Variants in CPED1 observed in about 807,000 individuals in gnomAD.
The protein encoded by CPED1 is cadherin-like and PC-esterase domain-containing protein 1.
A neutral mutation model predicts 128.2 loss-of-function variants in CPED1; 114 were observed. The ratio of observed to expected loss-of-function variants is 0.89; its 90% CI spans 0.76 to 1.04. The LOEUF (loss-of-function observed/expected upper bound fraction) is 1.04, where lower values mean the gene tolerates loss of function less well. CPED1 is among the 50% of genes least tolerant of loss of function. The probability of loss-of-function intolerance (pLI) is 0.00; values close to 1 mark genes in which losing one functional copy is unlikely to be tolerated. For missense variants in CPED1, 1,211 were observed against 1,207.1 expected (o/e 1.00, Z -0.05); for synonymous variants, 462 against 426.7 (o/e 1.08, Z -1.02).
At chr7:121,013,495 C>A (rs894135091) in intron 2 of CPED1, among the ~76,000 whole-genome samples, 1 of 152,170 alleles carries the variant, frequency 6.6e-6, no homozygotes, top group Non-Finnish European at 1.5e-5. Context: ...AACTCACAAG[C>A]AGTTTTTCCA....
chr7:121,049,286 G>A (rs897197622), intron 4 of CPED1, among the ~76,000 whole-genome samples: 36 of 152,228 alleles, frequency 2.4e-4, no homozygotes, highest in African/African-American at 8.7e-4. Flanking sequence ...GGGATGTGTA[G>A]AAGGAAGGGC....
In CPED1 at chr7:121,127,233, ACTTTATAGAT is replaced by A; in HGVS notation, c.1280_1289del (p.Leu427GlnfsTer13). On this transcript the variant is annotated frameshift_variant, in exon 10 of 23. Coordinates refer to ENST00000310396, the MANE Select transcript of CPED1 (RefSeq NM_024913.5). LOFTEE classifies it high-confidence loss of function. ...CCATATTTTCTGAGATATTTCAGAG[ACTTTATAGAT>A]CAGATGTTTTCAAGGTAAGTGCATA... The A allele has an allele frequency of 6.3e-7, 1 of 1,586,076 alleles. No individual in the cohort carries two copies. The highest frequency in any genetic ancestry group is 1.1e-5 in the South Asian group (1 of 89,774).
Position 121,266,646 on chromosome 7 carries a change from AGTTACAAT to A in CPED1, c.2532-57_2532-50del, listed in dbSNP as rs1388408486. The A allele has an allele frequency of 4.6e-5, 60 of 1,305,660 alleles. No individual in the cohort carries two copies. In the South Asian group the frequency reaches 7.0e-4, roughly 15 times the overall value. 80.9% of individuals were successfully genotyped at this position (1,305,660 alleles called of 1,614,324 possible). On this transcript the variant is annotated intron_variant, in intron 19 of 22. Coordinates refer to ENST00000310396, the MANE Select transcript of CPED1 (RefSeq NM_024913.5). ...GATACAGTGAAATGTGAGGCAGTGC[AGTTACAAT>A]GTTTACCTTCTGTTTTAGGGCAACA...
chr7:121,238,351 C>G (rs896457358), intron 17 of CPED1, among the ~76,000 whole-genome samples: 1 of 152,130 alleles, frequency 6.6e-6, no homozygotes, highest in Non-Finnish European at 1.5e-5. Context: ...CTCCCAGCCT[C>G]TTTGCCTCTC....
intron 16 of CPED1, among the ~76,000 whole-genome samples, chr7:121,212,149 G>T (rs552617909): frequency 4.6e-5 from 7 of 152,062 alleles, no homozygotes; most frequent in Non-Finnish European, 1.0e-4. Flanking sequence ...TGGCTGTGTT[G>T]GGTTCTGAAC....
rs1046524896 is a variant in CPED1, at chr7:121,294,532, G to A, written c.2869-908G>A. The stretch of plus-strand genomic sequence containing the variant: ...TGCCATGTCTGTGTCTCAGGTGGCA[G>A]CAAAACAAAATGGTGGATCCCTGCA... On this transcript the variant is annotated intron_variant, in intron 22 of 22. Coordinates refer to ENST00000310396, the MANE Select transcript of CPED1 (RefSeq NM_024913.5). 3.9e-5 allele frequency among the ~76,000 whole-genome samples: 6 copies of A among 152,018 alleles called. 1 individual carries two copies.
Position 121,295,752 on chromosome 7 carries a change from A to C in CPED1, c.*100A>C. Reference sequence around the variant, plus strand: ...TGCACATCGCACACATTTGGGATCGACCACACACACTTGTGCACACCAGCA... The same window carrying C: ...TGCACATCGCACACATTTGGGATCGCCCACACACACTTGTGCACACCAGCA... On this transcript the variant is annotated 3_prime_UTR_variant, in exon 23 of 23. Transcript: ENST00000310396. The C allele has an allele frequency of 1.1e-6, 1 of 911,620 alleles. No homozygotes were observed. The highest frequency in any genetic ancestry group is 1.7e-6 in the Non-Finnish European group (1 of 572,402). 56.5% of individuals were successfully genotyped at this position (911,620 alleles called of 1,614,324 possible).
chr7:121,154,729 A>G (rs896201051), intron 16 of CPED1, among the ~76,000 whole-genome samples: 8 of 151,996 alleles, frequency 5.3e-5, no homozygotes, highest in Non-Finnish European at 8.8e-5. Context: ...TATTTTTAGT[A>G]GAGACGGGGT....
In CPED1 at chr7:121,295,990, G is replaced by GA. The variant is rs996042843; in HGVS notation, c.*345dup. The GA allele has an allele frequency of 1.1e-5, 2 of 182,852 alleles. No homozygotes were observed. Among genetic ancestry groups the GA allele is most frequent in the Non-Finnish European group, 2.3e-5 (2 of 87,512 alleles). 11.3% of individuals were successfully genotyped at this position (182,852 alleles called of 1,614,324 possible). On this transcript the variant is annotated 3_prime_UTR_variant, in exon 23 of 23. Transcript: ENST00000310396. Reference sequence around the variant, plus strand: ...GAAATATAGACACTTAAAATTATGTGAAAAAAAGGATAATGCTCTTTCATG... The same window carrying GA: ...GAAATATAGACACTTAAAATTATGTGAAAAAAAAGGATAATGCTCTTTCATG...
At chr7:121,174,312 ATGG>A (rs1796726530) in intron 16 of CPED1, among the ~76,000 whole-genome samples, 1 of 152,116 alleles carries the variant, frequency 6.6e-6, no homozygotes, top group African/African-American at 2.4e-5. Context: ...TATGCCTAGA[ATGG>A]TATTGCTTAG....
rs931220315 is a variant in CPED1, at chr7:121,206,032, C to T, written c.2056-30682C>T. The stretch of plus-strand genomic sequence containing the variant: ...ATTCAGGCAAATGTAGTAATCTGCT[C>T]CCTCTATGTAAGTACAGGCAACAGT... On this transcript the variant is annotated intron_variant, in intron 16 of 22. Coordinates refer to ENST00000310396, the MANE Select transcript of CPED1 (RefSeq NM_024913.5). 2.4e-4 allele frequency among the ~76,000 whole-genome samples: 36 copies of T among 151,970 alleles called. 1 individual carries two copies. The highest frequency in any genetic ancestry group is 1.5e-5 in the Non-Finnish European group (1 of 67,948).
At chr7:121,186,818 A>G (rs1797014538) in intron 16 of CPED1, among the ~76,000 whole-genome samples, 2 of 152,196 alleles carry the variant, frequency 1.3e-5, no homozygotes, top group Admixed American at 1.3e-4. Flanking sequence ...AGGAGAAAAA[A>G]AATTCTTGAC....
intron 5 of CPED1, among the ~76,000 whole-genome samples, chr7:121,087,667 G>GTTTTTTTTTTTTTTTTTTTTTT (rs1306777472): frequency 7.2e-6 from 1 of 139,118 alleles, no homozygotes; most frequent in African/African-American, 2.8e-5. Flanking sequence ...TTTCTTTCCT[G>GTTTTTTTTTTTTTTTTTTTTTT]TTTTTTTTTT....
chr7:121,197,777 G>A (rs1797304707), intron 16 of CPED1, among the ~76,000 whole-genome samples: 1 of 152,096 alleles, frequency 6.6e-6, no homozygotes, highest in African/African-American at 2.4e-5. Context: ...TGAACTTTGA[G>A]TAGGAGCTGG....
chr7:121,139,703 A>C (rs1318180417), intron 14 of CPED1, among the ~76,000 whole-genome samples: 2 of 152,088 alleles, frequency 1.3e-5, no homozygotes, highest in African/African-American at 4.8e-5. Context: ...AAGACAAATC[A>C]ACAGATTTGA....
At chr7:121,242,926 T>C (rs1251502540) in intron 17 of CPED1, among the ~76,000 whole-genome samples, 1 of 152,108 alleles carries the variant, frequency 6.6e-6, no homozygotes, top group Non-Finnish European at 1.5e-5. Flanking sequence ...ATATTTTATA[T>C]TAATAACTAT....
chr7:121,067,597 AG>A (rs1436641149), intron 5 of CPED1, among the ~76,000 whole-genome samples: 1 of 152,228 alleles, frequency 6.6e-6, no homozygotes, highest in Non-Finnish European at 1.5e-5. Flanking sequence ...TCTTTATAGC[AG>A]CATGATTTGT....
chr7:121,189,648 A>G (rs1797082528), intron 16 of CPED1, among the ~76,000 whole-genome samples: 1 of 151,302 alleles, frequency 6.6e-6, no homozygotes, highest in Non-Finnish European at 1.5e-5. Flanking sequence ...ATGCCTCTCA[A>G]TTTATGAAAA....
intron 16 of CPED1, among the ~76,000 whole-genome samples, chr7:121,204,510 G>T (rs1259668687): frequency 6.6e-6 from 1 of 152,090 alleles, no homozygotes; most frequent in Non-Finnish European, 1.5e-5. Context: ...GTGAAAATTA[G>T]GTGCCCTACC....
Sources: gnomAD v4.1 joint callset for allele counts (sites outside exome capture counted in the v4.1 genomes callset) on GRCh38, gnomAD v4.1.1 for gene constraint, MANE v1.5 for transcripts, NCBI Gene and HGNC (gene_info 2026-07-23, HGNC 2026-07-21) for gene names.